The following MMP28 variants were observed in gnomAD, a reference collection of about 807,000 sequenced individuals.
The protein encoded by MMP28 is matrix metallopeptidase 28, also known as matrix metalloproteinase-28.
Under a neutral mutation model 60.5 loss-of-function variants are expected in MMP28, and 55 were observed. The observed-to-expected ratio is 0.91, with a 90% CI of 0.73 to 1.14. The LOEUF (loss-of-function observed/expected upper bound fraction) is 1.14. Ranked by LOEUF, MMP28 falls within the 50% of genes most tolerant of loss-of-function variation. MMP28 has a pLI of 0.00. For synonymous variants in MMP28, 318 were observed against 312.5 expected (o/e 1.02, Z -0.18); for missense variants, 686 against 738.3 (o/e 0.93, Z 0.82).
At chr17:35,789,155 G>A (rs1297491845) in intron 1 of MMP28, among the ~76,000 whole-genome samples, 1 of 152,130 alleles carries the variant, frequency 6.6e-6, no homozygotes, top group African/African-American at 2.4e-5. Flanking sequence ...CATGTACACA[G>A]GGTACAGGAA....
At position 35,771,743 on chromosome 17, in the gene MMP28, AT is replaced by A. The variant is rs2086159507; in HGVS notation, c.605-1432del. Among the ~76,000 whole-genome samples, 7 of 80,260 alleles carry A rather than the reference AT, an allele frequency of 8.7e-5. 1 individual carries two copies. Among genetic ancestry groups the A allele is most frequent in the African/African-American group, 2.9e-4 (6 of 20,864 alleles). 52.7% of individuals were successfully genotyped at this position (80,260 alleles called of 152,430 possible). On this transcript the variant is annotated intron_variant, in intron 4 of 7. Transcript: ENST00000605424. Reference sequence around the variant, plus strand: ...TATATATATATATATATATATATATATATATATATATAAAATTGTGTTCTTG... The same window carrying A: ...TATATATATATATATATATATATATAATATATATATAAAATTGTGTTCTTG...
At chr17:35,789,787 C>T (rs975041281) in intron 1 of MMP28, among the ~76,000 whole-genome samples, 4 of 147,690 alleles carry the variant, frequency 2.7e-5, no homozygotes, top group Admixed American at 1.4e-4. Flanking sequence ...TTTTTTAAGA[C>T]GGAGTCTCGC....
At chr17:35,763,505 C>T (rs887784187), downstream of MMP28, among the ~76,000 whole-genome samples, 2 of 146,634 alleles carry the variant, frequency 1.4e-5, no homozygotes, top group African/African-American at 5.1e-5. Flanking sequence ...ACACTGGTCT[C>T]GAACTCTTGA....
At chr17:35,772,796 G>A (rs1221192632) in intron 4 of MMP28, among the ~76,000 whole-genome samples, 1 of 152,180 alleles carries the variant, frequency 6.6e-6, no homozygotes, top group African/African-American at 2.4e-5. Flanking sequence ...GTTGGGGGTG[G>A]GGGAGCAGTG....
intron 1 of MMP28, among the ~76,000 whole-genome samples, chr17:35,788,002 C>T (rs1490953606): frequency 6.7e-6 from 1 of 148,340 alleles, no homozygotes; most frequent in Non-Finnish European, 1.5e-5. Flanking sequence ...ACTTCCTGGG[C>T]TCAAGTGATC....
chr17:35,795,154 G>A (rs2086931665), intron 1 of MMP28, 113 bp downstream of exon 1: 1 of 646,566 alleles, frequency 1.5e-6, no homozygotes, highest in Non-Finnish European at 2.3e-6. Context: ...CGGAGGACAG[G>A]GGTAGGGTAA....
At chr17:35,794,156 T>C (rs2086895197) in intron 1 of MMP28, among the ~76,000 whole-genome samples, 1 of 151,934 alleles carries the variant, frequency 6.6e-6, no homozygotes, top group South Asian at 2.1e-4. Flanking sequence ...GTGGAGACCC[T>C]GGCCGTATTC....
chr17:35,792,090 G>A (rs895638202), intron 1 of MMP28, among the ~76,000 whole-genome samples: 17 of 152,020 alleles, frequency 1.1e-4, no homozygotes, highest in Admixed American at 4.6e-4. Context: ...CACTTTCTGG[G>A]TTTTCCTTCT....
chr17:35,764,367 C>T, downstream of MMP28: 1 of 1,452,342 alleles, frequency 6.9e-7, no homozygotes, highest in Non-Finnish European at 9.0e-7. Flanking sequence ...GGAGGCGGTG[C>T]CCGGGCCCCA....
chr17:35,787,283 A>ACTGAAGCATGTTC (rs1312251698), intron 1 of MMP28, among the ~76,000 whole-genome samples: 1 of 152,190 alleles, frequency 6.6e-6, no homozygotes, highest in Non-Finnish European at 1.5e-5. Context: ...ATTCGACAGG[A>ACTGAAGCATGTTC]CTGAAGCATG....
chr17:35,774,154 T>C (rs957721316), intron 3 of MMP28, among the ~76,000 whole-genome samples: 5 of 152,116 alleles, frequency 3.3e-5, no homozygotes, highest in Non-Finnish European at 7.4e-5. Context: ...AAATTGCAAC[T>C]CCTCCCTGAG....
intron 2 of MMP28, among the ~76,000 whole-genome samples, chr17:35,760,688 G>A (rs2085800391): frequency 6.6e-6 from 1 of 152,204 alleles, no homozygotes; most frequent in Non-Finnish European, 1.5e-5. Flanking sequence ...TTTATTGCGG[G>A]CCAAAGCCAT....
chr17:35,759,863 C>G (rs1321200685), intron 2 of MMP28, among the ~76,000 whole-genome samples: 1 of 152,194 alleles, frequency 6.6e-6, no homozygotes, highest in Non-Finnish European at 1.5e-5. Context: ...GTTGCTGTGC[C>G]ACGAGTAATA....
downstream of MMP28, chr17:35,764,380 G>C (rs782498391): frequency 6.8e-7 from 1 of 1,466,102 alleles, no homozygotes; most frequent in Non-Finnish European, 9.0e-7. Context: ...GGGCCCCAGG[G>C]AGGAGGGGCT....
chr17:35,764,646 T>C (rs1555602459), downstream of MMP28: 2 of 1,540,030 alleles, frequency 1.3e-6, no homozygotes, highest in East Asian at 2.5e-5. Flanking sequence ...CTTTGTGCCC[T>C]CCATCATTTC....
chr17:35,756,335 C>T (rs2085737360), exon 3 of MMP28: 1 of 926,110 alleles, frequency 1.1e-6, no homozygotes, highest in South Asian at 5.0e-5. Context: ...GTTCTCCAGG[C>T]ACTCGGTTCC....
chr17:35,763,338 G>A (rs948934907), downstream of MMP28, among the ~76,000 whole-genome samples: 2 of 151,380 alleles, frequency 1.3e-5, no homozygotes, highest in Non-Finnish European at 2.9e-5. Context: ...GTGTGGTGGT[G>A]CAATCATGGC....
chr17:35,773,792 C>G, intron 3 of MMP28, among the ~76,000 whole-genome samples: 1 of 152,184 alleles, frequency 6.6e-6, no homozygotes, highest in African/African-American at 2.4e-5. Flanking sequence ...GTGTCTGTTG[C>G]TACCAGCAAA....
chr17:35,778,766 C>T, intron 3 of MMP28, 122 bp downstream of exon 3: 1 of 1,571,042 alleles, frequency 6.4e-7, no homozygotes. Context: ...TCACCCACTC[C>T]TCCCGTGCCC....
Sources: gnomAD v4.1 joint callset for allele counts (sites outside exome capture counted in the v4.1 genomes callset) on GRCh38, gnomAD v4.1.1 for gene constraint, MANE v1.5 for transcripts, NCBI Gene and HGNC (gene_info 2026-07-23, HGNC 2026-07-21) for gene names.